The following REDIC1 variants were observed in gnomAD, a reference collection of about 807,000 sequenced individuals.
REDIC1 encodes the protein HEI10 Interacting Protein 1.
the REDIC1 span, among the ~76,000 whole-genome samples, chr12:39,804,491 T>C: frequency 6.6e-6 from 1 of 152,220 alleles, no homozygotes; most frequent in Non-Finnish European, 1.5e-5. Flanking sequence ...AACCAATTTA[T>C]TTACTGTACT....
At chr12:39,821,267 G>A in the REDIC1 span, among the ~76,000 whole-genome samples, 60 of 152,078 alleles carry the variant, frequency 3.9e-4, no homozygotes, top group African/African-American at 1.3e-3. Context: ...AAAATTAGCC[G>A]GGCGTGTTGG....
the REDIC1 span, among the ~76,000 whole-genome samples, chr12:39,829,246 A>T: frequency 2.6e-5 from 4 of 151,736 alleles, no homozygotes; most frequent in Non-Finnish European, 5.9e-5. Context: ...AACCAAAAAC[A>T]TTAAGGTTTC....
chr12:39,700,155 C>T, the REDIC1 span, among the ~76,000 whole-genome samples: 1 of 152,084 alleles, frequency 6.6e-6, no homozygotes, highest in African/African-American at 2.4e-5. Flanking sequence ...TATGGGAGGA[C>T]ATTCAAACCA....
the REDIC1 span, among the ~76,000 whole-genome samples, chr12:39,732,313 T>C: frequency 6.6e-6 from 1 of 152,222 alleles, no homozygotes; most frequent in Admixed American, 6.5e-5. Context: ...TGTTTCTCCA[T>C]CCTGTATATT....
At chr12:39,776,081 T>G in the REDIC1 span, among the ~76,000 whole-genome samples, 3 of 152,214 alleles carry the variant, frequency 2.0e-5, no homozygotes, top group Non-Finnish European at 4.4e-5. Flanking sequence ...ACAGCTAATC[T>G]GGGGCTTCTT....
chr12:39,794,149 AC>A, the REDIC1 span, among the ~76,000 whole-genome samples: 57 of 126,000 alleles, frequency 4.5e-4, 1 homozygote, highest in African/African-American at 1.7e-3. Context: ...AAAAAAAAAA[AC>A]CAAAACAAAA....
the REDIC1 span, among the ~76,000 whole-genome samples, chr12:39,666,640 G>C: frequency 2.0e-5 from 3 of 152,164 alleles, no homozygotes; most frequent in Non-Finnish European, 4.4e-5. Flanking sequence ...CAGAAGAAAT[G>C]GTACCAGCTC....
At chr12:39,903,364 T>G in the REDIC1 span, among the ~76,000 whole-genome samples, 5 of 152,244 alleles carry the variant, frequency 3.3e-5, no homozygotes, top group East Asian at 9.6e-4. Context: ...ATTGAAGACA[T>G]ATTCATAAAA....
the REDIC1 span, among the ~76,000 whole-genome samples, chr12:39,736,458 T>A: frequency 1.7e-4 from 26 of 152,218 alleles, no homozygotes; most frequent in African/African-American, 2.4e-5. Flanking sequence ...CCACACCTGG[T>A]TGCCTAAGTA....
chr12:39,771,359 A>C, the REDIC1 span, among the ~76,000 whole-genome samples: 5 of 152,182 alleles, frequency 3.3e-5, no homozygotes, highest in Admixed American at 6.5e-5. Flanking sequence ...GAAGTCTCTC[A>C]TTCCCTTGCT....
chr12:39,806,672 G>A, the REDIC1 span, among the ~76,000 whole-genome samples: 5 of 152,162 alleles, frequency 3.3e-5, no homozygotes, highest in African/African-American at 1.2e-4. Context: ...AGATATTTTA[G>A]ACAGTATACA....
At chr12:39,764,797 T>C in the REDIC1 span, 1 of 1,612,610 alleles carries the variant, frequency 6.2e-7, no homozygotes, top group Admixed American at 1.7e-5. Context: ...GAGTATGGAG[T>C]AGGGCAGAAA....
the REDIC1 span, among the ~76,000 whole-genome samples, chr12:39,677,810 A>G: frequency 6.6e-6 from 1 of 152,208 alleles, no homozygotes; most frequent in South Asian, 2.1e-4. Flanking sequence ...GTACAAATAC[A>G]TGGAAATTAA....
chr12:39,673,514 G>A, the REDIC1 span, among the ~76,000 whole-genome samples: 2 of 152,034 alleles, frequency 1.3e-5, no homozygotes, highest in Admixed American at 6.6e-5. Flanking sequence ...GCATAATCTG[G>A]GCCCTTTTGT....
chr12:39,873,383 T>TA, the REDIC1 span, among the ~76,000 whole-genome samples: 9 of 152,206 alleles, frequency 5.9e-5, no homozygotes, highest in Non-Finnish European at 8.8e-5. Context: ...TGTGCAGTGT[T>TA]TTATAGTTTC....
the REDIC1 span, among the ~76,000 whole-genome samples, chr12:39,735,532 A>C: frequency 9.8e-5 from 15 of 152,364 alleles, no homozygotes; most frequent in Admixed American, 5.2e-4. Flanking sequence ...TTAATATATA[A>C]AGAAGCCAGA....
At chr12:39,653,594 C>CTTCTTCTTCTTCTTT in the REDIC1 span, among the ~76,000 whole-genome samples, 2 of 74,818 alleles carry the variant, frequency 2.7e-5, no homozygotes, top group African/African-American at 4.2e-5. Flanking sequence ...TCTTCTTCCT[C>CTTCTTCTTCTTCTTT]TTCTTCTTCT....
At chr12:39,706,391 A>C in the REDIC1 span, among the ~76,000 whole-genome samples, 1 of 151,968 alleles carries the variant, frequency 6.6e-6, no homozygotes, top group Admixed American at 6.6e-5. Flanking sequence ...TACCCTAAGC[A>C]ATCTATTCAA....
At chr12:39,711,917 A>G in the REDIC1 span, among the ~76,000 whole-genome samples, 336 of 139,114 alleles carry the variant, frequency 2.4e-3, 1 homozygote, top group African/African-American at 8.1e-3. Flanking sequence ...ATGTATATAC[A>G]CATACATGTC....
Sources: gnomAD v4.1 joint callset for allele counts (sites outside exome capture counted in the v4.1 genomes callset) on GRCh38, gnomAD v4.1.1 for gene constraint, MANE v1.5 for transcripts, NCBI Gene and HGNC (gene_info 2026-07-23, HGNC 2026-07-21) for gene names.